Variants in NEDD4L observed in about 807,000 individuals in gnomAD.
NEDD4L encodes E3 ubiquitin-protein ligase NEDD4-like.
A neutral mutation model predicts 148.9 loss-of-function variants in NEDD4L; 54 were observed. The ratio of observed to expected loss-of-function variants is 0.36; its 90% confidence interval spans 0.29 to 0.45. The LOEUF (loss-of-function observed/expected upper bound fraction) is 0.45, where lower values mean the gene tolerates loss of function less well. NEDD4L is among the 20% of genes least tolerant of loss of function. NEDD4L has a pLI of 1.00. For synonymous variants in NEDD4L, 433 were observed against 440.7 expected, an observed-to-expected ratio of 0.98 and a Z score of 0.22; for missense variants, 856 against 1,233.8, an observed-to-expected ratio of 0.69 and a Z score of 4.59.
At chr18:58,258,630 A>G (rs1430984822) in intron 5 of NEDD4L, among the ~76,000 whole-genome samples, 4 of 152,232 alleles carry the variant, frequency 2.6e-5, no homozygotes, top group African/African-American at 9.6e-5. Context: ...ATTCTGGAAT[A>G]AAGAGCTTTT....
chr18:58,230,331 G>T (rs2044990355), intron 2 of NEDD4L, among the ~76,000 whole-genome samples: 1 of 151,670 alleles, frequency 6.6e-6, no homozygotes, highest in African/African-American at 2.4e-5. Context: ...ATATGTTCAT[G>T]CTTTTAGTTA....
At chr18:58,240,998 C>T (rs369159903) in intron 2 of NEDD4L, among the ~76,000 whole-genome samples, 2 of 151,968 alleles carry the variant, frequency 1.3e-5, no homozygotes, top group African/African-American at 2.4e-5. Context: ...TTAGTAGAGA[C>T]GAGATTTTAC....
At chr18:58,116,089 G>T (rs531939858) in intron 1 of NEDD4L, among the ~76,000 whole-genome samples, 3 of 152,132 alleles carry the variant, frequency 2.0e-5, no homozygotes, top group Non-Finnish European at 4.4e-5. Context: ...GGGACCCAGC[G>T]CACACCCCAG....
chr18:58,240,078 A>G (rs112354178), intron 2 of NEDD4L, among the ~76,000 whole-genome samples: 2 of 152,224 alleles, frequency 1.3e-5, no homozygotes, highest in African/African-American at 4.8e-5. Flanking sequence ...CAGACTCCTT[A>G]TGACTTCATT....
At chr18:58,044,792 C>T (rs1052380714) in intron 1 of NEDD4L, 84 bp downstream of exon 1, 2 of 1,514,804 alleles carry the variant, frequency 1.3e-6, no homozygotes, top group South Asian at 2.5e-5. Flanking sequence ...GGGCCGTCCC[C>T]GGGGTGCTCG....
At chr18:58,101,256 A>T (rs1246425940) in intron 1 of NEDD4L, among the ~76,000 whole-genome samples, 2 of 152,188 alleles carry the variant, frequency 1.3e-5, no homozygotes, top group African/African-American at 4.8e-5. Flanking sequence ...AAGTAGAAAG[A>T]CTTAGATAAG....
chr18:58,251,153 G>C (rs1476701985), intron 4 of NEDD4L, among the ~76,000 whole-genome samples: 1 of 152,132 alleles, frequency 6.6e-6, no homozygotes, highest in African/African-American at 2.4e-5. Flanking sequence ...TTGCGTGATA[G>C]TTATACATCA....
rs116400537 is a variant in NEDD4L, at chr18:58,267,710, C to T, written c.297+15656C>T. Among the ~76,000 whole-genome samples the T allele has an allele frequency of 5.1e-3, 781 of 152,106 alleles. 6 individuals carry two copies. The highest frequency in any genetic ancestry group is 0.018 in the African/African-American group (749 of 41,480). ...GTTATTTCAAGATGCTTTCTGCTGCCTGTGTCATGCCAGGGCGTGGGTGGA... is the reference window on the plus strand; with the variant it reads ...GTTATTTCAAGATGCTTTCTGCTGCTTGTGTCATGCCAGGGCGTGGGTGGA... On this transcript the variant is annotated intron_variant, in intron 5 of 30. Transcript: ENST00000400345.
chr18:58,322,006 A>C (rs1053577938), intron 6 of NEDD4L, among the ~76,000 whole-genome samples: 2 of 152,208 alleles, frequency 1.3e-5, no homozygotes, highest in East Asian at 3.8e-4. Flanking sequence ...ATTTTAATAC[A>C]AAAAACAAAG....
chr18:58,316,248 C>T (rs369076553), intron 6 of NEDD4L, among the ~76,000 whole-genome samples: 16 of 152,240 alleles, frequency 1.1e-4, no homozygotes, highest in East Asian at 9.7e-4. Context: ...CTGAGTCGTG[C>T]GCTTGCGTTC....
In NEDD4L at chr18:58,165,850, C is replaced by A. The variant is rs2036785622; in HGVS notation, c.111C>A (p.Ile37=). Residue 37 remains isoleucine (I), a synonymous_variant, in exon 2 of 31, where the codon ATC becomes ATA. Coordinates refer to ENST00000400345, the MANE Select transcript of NEDD4L (RefSeq NM_001144967.3). ...VSGIDLAKKD[I]FGASDPYVKL... is the part of the protein sequence containing the mutation. Reference sequence around the variant, plus strand: ...GAATTGATCTCGCCAAAAAGGACATCTTTGGAGCCAGGTATGTTGGCTTTG... The same window carrying A: ...GAATTGATCTCGCCAAAAAGGACATATTTGGAGCCAGGTATGTTGGCTTTG... The A allele has an allele frequency of 3.7e-6, 6 of 1,608,326 alleles. No homozygotes were observed. Among genetic ancestry groups the A allele is most frequent in the Non-Finnish European group, 5.1e-6 (6 of 1,176,898 alleles).
chr18:58,247,361 G>C (rs948444384), intron 3 of NEDD4L: 2 of 152,202 alleles, frequency 1.3e-5, no homozygotes, highest in African/African-American at 4.8e-5. Flanking sequence ...ATGCCTGCGA[G>C]GGACGGAGGC....
Position 58,044,567 on chromosome 18 carries a change from C to T in NEDD4L, c.-94C>T, listed in dbSNP as rs2081484844. 1.4e-6 allele frequency: 2 copies of T among 1,409,998 alleles called. No homozygotes were observed. The highest frequency in any genetic ancestry group is 1.6e-5 in the South Asian group (1 of 61,502). The allele number at this position is 1,409,998 out of a possible 1,614,324, so 87.3% of individuals were successfully genotyped here. Reference sequence around the variant, plus strand: ...GGCGTGCGCAGGGTAGGGTGCGGGACCGGGGGGACCTGGAGGCAGAGGGGA... The same window carrying T: ...GGCGTGCGCAGGGTAGGGTGCGGGATCGGGGGGACCTGGAGGCAGAGGGGA... On this transcript the variant is annotated 5_prime_UTR_variant, in exon 1 of 31. Transcript: ENST00000400345.
rs554402186 is a variant in NEDD4L, at chr18:58,059,398, C to T, written c.48+14690C>T. 7.2e-5 allele frequency among the ~76,000 whole-genome samples: 11 copies of T among 152,326 alleles called. 1 individual carries two copies. In the South Asian group the frequency reaches 2.3e-3, roughly 32 times the overall value. On this transcript the variant is annotated intron_variant, in intron 1 of 30. Coordinates refer to ENST00000400345, the MANE Select transcript of NEDD4L (RefSeq NM_001144967.3). ...TGATTGCTTTATACCATATTTCCCC[C>T]CCAGAGGCTCTTAAAAGGGCAAAGA...
rs144147012 is a variant in NEDD4L, at chr18:58,066,851, C to G, written c.48+22143C>G. Among the ~76,000 whole-genome samples the G allele has an allele frequency of 1.4e-3, 208 of 152,132 alleles. 1 individual carries two copies. The highest frequency in any genetic ancestry group is 4.8e-3 in the African/African-American group (201 of 41,502). On this transcript the variant is annotated intron_variant, in intron 1 of 30. Coordinates refer to ENST00000400345, the MANE Select transcript of NEDD4L (RefSeq NM_001144967.3). The stretch of plus-strand genomic sequence containing the variant: ...ATTTTTAAATAACCAAGCACAGACT[C>G]ACTATCACGAGAGCAACACTGAGGG...
At chr18:58,350,880 C>T (rs2043792227) in intron 17 of NEDD4L, 111 bp from the exon 18 acceptor site, 1 of 764,838 alleles carries the variant, frequency 1.3e-6, no homozygotes, top group African/African-American at 1.8e-5. Flanking sequence ...TAAATGTACC[C>T]TAGCAGAAAA....
intron 6 of NEDD4L, among the ~76,000 whole-genome samples, chr18:58,318,253 A>C (rs918029918): frequency 6.6e-6 from 1 of 152,260 alleles, no homozygotes; most frequent in Non-Finnish European, 1.5e-5. Flanking sequence ...AAAACCACCA[A>C]GCTTTAGATA....
intron 24 of NEDD4L, among the ~76,000 whole-genome samples, chr18:58,377,830 G>T (rs2047771061): frequency 6.6e-6 from 1 of 152,130 alleles, no homozygotes; most frequent in African/African-American, 2.4e-5. Flanking sequence ...TGCAACCTCT[G>T]CCTCCTACTT....
At chr18:58,103,931 T>C (rs2145542638) in intron 1 of NEDD4L, among the ~76,000 whole-genome samples, 1 of 152,326 alleles carries the variant, frequency 6.6e-6, no homozygotes, top group African/African-American at 2.4e-5. Context: ...TTAAAGGATC[T>C]CTCAGAACCA....
Sources: allele counts gnomAD v4.1 joint callset (sites outside exome capture counted in the v4.1 genomes callset), GRCh38; gene constraint gnomAD v4.1.1; transcripts MANE v1.5; gene names NCBI Gene and HGNC (gene_info 2026-07-23, HGNC 2026-07-21).